Variants in EPHA5 observed in about 807,000 individuals in gnomAD.
The protein encoded by EPHA5 is ephrin type-A receptor 5.
EPHA5 carries 60 observed loss-of-function variants against 105.0 expected under a neutral mutation model. That is an observed-to-expected ratio of 0.57 (90% CI 0.46 to 0.71). The LOEUF is 0.71. Ranked by LOEUF, EPHA5 falls within the 30% of genes least tolerant of loss-of-function variation. EPHA5 has a pLI of 0.00. For synonymous variants in EPHA5, 513 were observed against 449.1 expected, an observed-to-expected ratio of 1.14 and a Z score of -1.80; for missense variants, 1,218 against 1,274.7, an observed-to-expected ratio of 0.96 and a Z score of 0.68.
intron 3 of EPHA5, among the ~76,000 whole-genome samples, chr4:65,547,242 A>G (rs1245178666): frequency 6.6e-6 from 1 of 151,100 alleles, no homozygotes; most frequent in East Asian, 2.0e-4. Flanking sequence ...CTTCCCTGCT[A>G]CCTGCAGTTG....
At chr4:65,373,056 CCT>C (rs1470924674) in intron 8 of EPHA5, among the ~76,000 whole-genome samples, 9 of 151,664 alleles carry the variant, frequency 5.9e-5, no homozygotes, top group African/African-American at 2.2e-4. Context: ...ATTAATTCTC[CCT>C]GTTTTTTAAA....
chr4:65,427,888 A>G (rs1406571727), intron 5 of EPHA5, among the ~76,000 whole-genome samples: 4 of 152,182 alleles, frequency 2.6e-5, no homozygotes, highest in Non-Finnish European at 5.9e-5. Flanking sequence ...ACTGTCTTTC[A>G]GTATTTATCT....
chr4:65,649,112 G>A (rs1461061565), intron 1 of EPHA5, among the ~76,000 whole-genome samples: 2 of 152,198 alleles, frequency 1.3e-5, no homozygotes, highest in Non-Finnish European at 2.9e-5. Context: ...CAATCCATAT[G>A]CATAGTCTTT....
At position 65,420,433 on chromosome 4, in the gene EPHA5, A is replaced by G. The variant is rs763402989; in HGVS notation, c.1527+8T>C. On this transcript the variant is annotated splice_region_variant and intron_variant, in intron 6 of 16. Coordinates refer to ENST00000613740, the MANE Select transcript of EPHA5 (RefSeq NM_001281766.3). ...AAGTGAGGACATTTTTTATTCTGTT[A>G]GTCTTACCTTTTCAAAATACTTGAT... The G allele has an allele frequency of 1.5e-5, 24 of 1,564,714 alleles. No homozygotes were observed. The highest frequency in any genetic ancestry group is 2.0e-5 in the Non-Finnish European group (23 of 1,159,628).
intron 5 of EPHA5, among the ~76,000 whole-genome samples, chr4:65,471,920 A>G (rs1228061183): frequency 6.6e-6 from 1 of 152,006 alleles, no homozygotes; most frequent in Non-Finnish European, 1.5e-5. Context: ...TCAAAACACA[A>G]TCATGCCTTC....
intron 3 of EPHA5, among the ~76,000 whole-genome samples, chr4:65,538,586 G>A (rs1055106142): frequency 7.2e-5 from 11 of 151,764 alleles, no homozygotes; most frequent in Admixed American, 2.0e-4. Flanking sequence ...AATTTGTAAA[G>A]AAAAATAAAA....
chr4:65,509,499 T>G (rs1442845502), intron 3 of EPHA5, among the ~76,000 whole-genome samples: 1 of 152,120 alleles, frequency 6.6e-6, no homozygotes, highest in East Asian at 1.9e-4. Context: ...ACAATAACTC[T>G]AAAAGACTGA....
chr4:65,458,353 A>T (rs750043830), intron 5 of EPHA5, among the ~76,000 whole-genome samples: 39 of 152,128 alleles, frequency 2.6e-4, no homozygotes, highest in Non-Finnish European at 1.0e-4. Flanking sequence ...ATCATCCCTT[A>T]TACAGCATGA....
intron 2 of EPHA5, among the ~76,000 whole-genome samples, chr4:65,622,749 G>C (rs561347950): frequency 5.3e-5 from 8 of 152,046 alleles, no homozygotes; most frequent in African/African-American, 1.9e-4. Context: ...CATAACTCCT[G>C]TATAAATTCT....
intron 8 of EPHA5, among the ~76,000 whole-genome samples, chr4:65,382,182 C>G (rs1008972065): frequency 6.6e-6 from 1 of 151,628 alleles, no homozygotes; most frequent in African/African-American, 2.4e-5. Context: ...ATCAGACACT[C>G]TCCTTATTTC....
intron 5 of EPHA5, among the ~76,000 whole-genome samples, chr4:65,462,875 G>T (rs1728259665): frequency 6.6e-6 from 1 of 152,038 alleles, no homozygotes; most frequent in African/African-American, 2.4e-5. Context: ...CCTACTATAT[G>T]CATTATTTTT....
chr4:65,507,316 G>A (rs1733140372), intron 3 of EPHA5, among the ~76,000 whole-genome samples: 1 of 152,124 alleles, frequency 6.6e-6, no homozygotes, highest in Admixed American at 6.5e-5. Flanking sequence ...CTCCAGCTTT[G>A]TTCTTTTGGC....
intron 3 of EPHA5, among the ~76,000 whole-genome samples, chr4:65,557,847 T>C (rs1738610842): frequency 6.6e-6 from 1 of 151,946 alleles, no homozygotes; most frequent in South Asian, 2.1e-4. Context: ...TAATGATTGG[T>C]CACTGAAATA....
At chr4:65,428,716 A>G (rs1724689284) in intron 5 of EPHA5, among the ~76,000 whole-genome samples, 1 of 152,074 alleles carries the variant, frequency 6.6e-6, no homozygotes, top group Non-Finnish European at 1.5e-5. Context: ...AAATATTAAA[A>G]ATTAGTTGCT....
At chr4:65,518,324 T>C (rs1240480815) in intron 3 of EPHA5, among the ~76,000 whole-genome samples, 1 of 152,028 alleles carries the variant, frequency 6.6e-6, no homozygotes, top group African/African-American at 2.4e-5. Context: ...TATCTTATAA[T>C]GTGTAAATTA....
chr4:65,411,335 T>G (rs1441836427), intron 7 of EPHA5, among the ~76,000 whole-genome samples: 3 of 152,040 alleles, frequency 2.0e-5, no homozygotes, highest in Non-Finnish European at 4.4e-5. Flanking sequence ...AAAGCACTCA[T>G]AACATTTTAA....
At chr4:65,582,145 T>G (rs1308721714) in intron 3 of EPHA5, among the ~76,000 whole-genome samples, 2 of 151,658 alleles carry the variant, frequency 1.3e-5, no homozygotes, top group Non-Finnish European at 3.0e-5. Context: ...CTCAGTGTGT[T>G]CTGAAGGAAA....
At chr4:65,623,731 T>C (rs2149479968) in intron 2 of EPHA5, among the ~76,000 whole-genome samples, 1 of 152,278 alleles carries the variant, frequency 6.6e-6, no homozygotes, top group African/African-American at 2.4e-5. Context: ...TTTTGCCTCA[T>C]GACATAATGG....
rs762922618 is a variant in EPHA5 at position 65,495,464 on chromosome 4, C to T, written c.990G>A (p.Glu330=). ...GKCPPHSYTH[E]EASTSCVCEK... is the part of the protein sequence containing the mutation. ...CACAGACACAAGAGGTTGAAGCTTC[C>T]TCATGGGTATAACTGTGAGGTGGAC... The change falls in exon 4 of 17, where the codon GAG becomes GAA. Residue 330 remains glutamate, a synonymous_variant. Coordinates refer to ENST00000613740, the MANE Select transcript of EPHA5 (RefSeq NM_001281766.3). The T allele has an allele frequency of 2.1e-5, 34 of 1,613,774 alleles. No homozygotes were observed. The highest frequency in any genetic ancestry group is 4.4e-5 in the South Asian group (4 of 91,072).
Sources: gnomAD v4.1 joint callset for allele counts (sites outside exome capture counted in the v4.1 genomes callset) on GRCh38, gnomAD v4.1.1 for gene constraint, MANE v1.5 for transcripts, NCBI Gene and HGNC (gene_info 2026-07-23, HGNC 2026-07-21) for gene names.